Variants in TAFA1 observed in about 807,000 individuals in gnomAD.
TAFA1 encodes chemokine-like protein TAFA-1.
Under a neutral mutation model 18.5 loss-of-function variants are expected in TAFA1, and 4 were observed. That is an observed-to-expected ratio of 0.22 (90% CI 0.11 to 0.49). TAFA1 has a LOEUF of 0.49. Among genes scored for constraint, TAFA1 ranks in the 20% least tolerant of loss-of-function variants. The pLI, the probability that TAFA1 is intolerant of heterozygous loss-of-function variation, is 0.98. For missense variants in TAFA1, 147 were observed against 169.0 expected (o/e 0.87, Z 0.72); for synonymous variants, 56 against 55.2 (o/e 1.01, Z -0.06).
chr3:68,171,032 C>T (rs1246317326), intron 2 of TAFA1, among the ~76,000 whole-genome samples: 2 of 152,152 alleles, frequency 1.3e-5, no homozygotes, highest in Non-Finnish European at 2.9e-5. Context: ...CAAAAGATGC[C>T]CATGTGTTAA....
At chr3:68,268,235 C>G (rs915604313) in intron 2 of TAFA1, among the ~76,000 whole-genome samples, 1 of 151,960 alleles carries the variant, frequency 6.6e-6, no homozygotes, top group Non-Finnish European at 1.5e-5. Context: ...AGAGAATATT[C>G]TAAAAAAGGA....
chr3:68,539,657 GTCTC>G (rs1232623712), intron 4 of TAFA1, among the ~76,000 whole-genome samples: 1 of 92,712 alleles, frequency 1.1e-5, no homozygotes, highest in Non-Finnish European at 2.2e-5. Flanking sequence ...CTCTCTCTTT[GTCTC>G]TCTCTGTGTG....
At chr3:68,343,416 T>G (rs1246142446) in intron 2 of TAFA1, among the ~76,000 whole-genome samples, 1 of 152,190 alleles carries the variant, frequency 6.6e-6, no homozygotes, top group Non-Finnish European at 1.5e-5. Context: ...CTGGTCTCTG[T>G]GCTTTGAAAT....
At chr3:68,254,709 T>A (rs1004541727) in intron 2 of TAFA1, among the ~76,000 whole-genome samples, 1 of 152,060 alleles carries the variant, frequency 6.6e-6, no homozygotes, top group Non-Finnish European at 1.5e-5. Flanking sequence ...GATTTAACAG[T>A]AGACCTACCA....
chr3:68,467,827 G>C (rs2071919023), intron 3 of TAFA1, among the ~76,000 whole-genome samples: 1 of 152,184 alleles, frequency 6.6e-6, no homozygotes, highest in Non-Finnish European at 1.5e-5. Context: ...ACGGGAAAAT[G>C]CAGAGACAAA....
chr3:68,342,179 A>G (rs558824093), intron 2 of TAFA1, among the ~76,000 whole-genome samples: 14 of 152,286 alleles, frequency 9.2e-5, no homozygotes, highest in African/African-American at 3.4e-4. Context: ...TCACAAAACA[A>G]AGATACCCCT....
intron 2 of TAFA1, among the ~76,000 whole-genome samples, chr3:68,196,983 G>A (rs1467021402): frequency 1.3e-5 from 2 of 151,832 alleles, no homozygotes; most frequent in East Asian, 2.0e-4. Context: ...TTTGTTACCA[G>A]GATAATGTGT....
intron 2 of TAFA1, among the ~76,000 whole-genome samples, chr3:68,340,152 A>T (rs572069406): frequency 6.6e-6 from 1 of 152,224 alleles, no homozygotes; most frequent in East Asian, 1.9e-4. Flanking sequence ...TTTGACATAC[A>T]TGCAAATTGA....
At chr3:68,167,525 C>A (rs1302906641) in intron 2 of TAFA1, among the ~76,000 whole-genome samples, 6 of 146,850 alleles carry the variant, frequency 4.1e-5, no homozygotes, top group Non-Finnish European at 7.4e-5. Flanking sequence ...TGTAGTGAGC[C>A]GAGATCAAGC....
At chr3:68,071,535 G>A (rs2064754994) in intron 2 of TAFA1, among the ~76,000 whole-genome samples, 1 of 152,144 alleles carries the variant, frequency 6.6e-6, no homozygotes, top group South Asian at 2.1e-4. Context: ...AAGAGGTGTG[G>A]TATAGGAATT....
chr3:68,335,261 A>G (rs1293516120), intron 2 of TAFA1, among the ~76,000 whole-genome samples: 2 of 152,330 alleles, frequency 1.3e-5, no homozygotes, highest in East Asian at 1.9e-4. Flanking sequence ...GCTTTTATTT[A>G]GTAAATGGAG....
intron 2 of TAFA1, among the ~76,000 whole-genome samples, chr3:68,064,040 A>G (rs1248646514): frequency 6.6e-6 from 1 of 152,220 alleles, no homozygotes; most frequent in Admixed American, 6.5e-5. Flanking sequence ...ATTACTCTGC[A>G]ACAGAATAAA....
chr3:68,214,566 C>T (rs2066632450), intron 2 of TAFA1, among the ~76,000 whole-genome samples: 2 of 151,962 alleles, frequency 1.3e-5, no homozygotes, highest in Admixed American at 6.6e-5. Context: ...ACTCTCATGC[C>T]GTTTCTTTCT....
intron 2 of TAFA1, among the ~76,000 whole-genome samples, chr3:68,357,452 T>G (rs937554707): frequency 4.0e-5 from 6 of 151,828 alleles, no homozygotes; most frequent in African/African-American, 9.7e-5. Flanking sequence ...CCAAATAATT[T>G]TTTGGTTTGA....
intron 2 of TAFA1, among the ~76,000 whole-genome samples, chr3:68,168,323 C>T (rs902778928): frequency 2.6e-5 from 4 of 152,156 alleles, no homozygotes; most frequent in East Asian, 1.9e-4. Flanking sequence ...TGCTATGAAT[C>T]AAGTTCAACA....
At chr3:68,311,339 C>G (rs981322008) in intron 2 of TAFA1, among the ~76,000 whole-genome samples, 1 of 152,188 alleles carries the variant, frequency 6.6e-6, no homozygotes, top group Non-Finnish European at 1.5e-5. Context: ...TCCCAACAGT[C>G]TCCGAAAGTG....
intron 3 of TAFA1, among the ~76,000 whole-genome samples, chr3:68,523,797 C>A (rs1345046936): frequency 2.0e-5 from 3 of 152,082 alleles, no homozygotes; most frequent in Non-Finnish European, 4.4e-5. Context: ...AATCCAAGGG[C>A]AAAATGCATT....
intron 2 of TAFA1, among the ~76,000 whole-genome samples, chr3:68,072,264 G>A (rs893684969): frequency 6.6e-6 from 1 of 152,172 alleles, no homozygotes; most frequent in African/African-American, 2.4e-5. Context: ...CAGATATCAT[G>A]AGCAACAGCA....
chr3:68,003,239 G>C (rs570790514), upstream of TAFA1, among the ~76,000 whole-genome samples: 1 of 152,326 alleles, frequency 6.6e-6, no homozygotes, highest in Admixed American at 6.5e-5. Flanking sequence ...CTCTCTCACT[G>C]TGTGTAACAT....
Sources: allele counts gnomAD v4.1 joint callset (sites outside exome capture counted in the v4.1 genomes callset), GRCh38; gene constraint gnomAD v4.1.1; transcripts MANE v1.5; gene names NCBI Gene and HGNC (gene_info 2026-07-23, HGNC 2026-07-21).